CTNND2: variants seen among roughly 807,000 people sequenced by gnomAD.
CTNND2 encodes the protein catenin delta 2.
CTNND2 carries 22 observed loss-of-function variants against 144.4 expected under a neutral mutation model. The observed-to-expected ratio is 0.15, with a 90% confidence interval of 0.11 to 0.22. The LOEUF (loss-of-function observed/expected upper bound fraction) is 0.22, where lower values mean the gene tolerates loss of function less well. Ranked by LOEUF, CTNND2 falls within the 10% of genes least tolerant of loss-of-function variation. The pLI is 1.00. For synonymous variants in CTNND2, 751 were observed against 695.6 expected (o/e 1.08, Z -1.25); for missense variants, 1,353 against 1,618.8 (o/e 0.84, Z 2.82).
intron 1 of CTNND2, among the ~76,000 whole-genome samples, chr5:11,847,507 C>A (rs779962085): frequency 6.6e-6 from 1 of 151,726 alleles, no homozygotes; most frequent in Non-Finnish European, 1.5e-5. Flanking sequence ...GGTAATAGGA[C>A]AGTTTGGTCA....
At chr5:11,108,806 G>A (rs563935760) in intron 14 of CTNND2, among the ~76,000 whole-genome samples, 28 of 152,232 alleles carry the variant, frequency 1.8e-4, no homozygotes, top group Non-Finnish European at 3.2e-4. Context: ...ACAATGTCCC[G>A]TCACCTCCAA....
intron 7 of CTNND2, among the ~76,000 whole-genome samples, chr5:11,369,529 T>C (rs770663732): frequency 8.5e-5 from 13 of 152,232 alleles, no homozygotes; most frequent in Admixed American, 5.2e-4. Context: ...TAAATTTCTA[T>C]GTACTAGATT....
At chr5:11,363,394 ATCT>A (rs1756656032) in intron 8 of CTNND2, among the ~76,000 whole-genome samples, 1 of 152,310 alleles carries the variant, frequency 6.6e-6, no homozygotes, top group South Asian at 2.1e-4. Context: ...CACTGTGGTT[ATCT>A]TCTTCTTTTA....
At chr5:11,688,594 A>C (rs2126643003) in intron 2 of CTNND2, among the ~76,000 whole-genome samples, 1 of 152,324 alleles carries the variant, frequency 6.6e-6, no homozygotes, top group African/African-American at 2.4e-5. Flanking sequence ...AATCTGTTTC[A>C]AAAATAACCC....
intron 1 of CTNND2, among the ~76,000 whole-genome samples, chr5:11,883,803 T>A (rs1017805336): frequency 6.6e-6 from 1 of 152,244 alleles, no homozygotes; most frequent in Non-Finnish European, 1.5e-5. Flanking sequence ...AACAACAGTG[T>A]AAAAGCATTC....
In CTNND2 at chr5:11,517,483, T is replaced by C. The variant is rs559459087; in HGVS notation, c.287+47461A>G. ...AAGTATAATTGAAAAATTAAAATTG[T>C]ACATATTTAAGGTATACAATGTGAT... is the stretch of plus-strand genomic sequence containing the variant. On this transcript the variant is annotated intron_variant, in intron 3 of 21. Transcript: ENST00000304623. 2.2e-3 allele frequency among the ~76,000 whole-genome samples: 341 copies of C among 152,304 alleles called. 2 individuals carry two copies. The highest frequency in any genetic ancestry group is 7.8e-3 in the African/African-American group (324 of 41,562).
intron 17 of CTNND2, among the ~76,000 whole-genome samples, chr5:11,020,005 A>C (rs1742068109): frequency 6.6e-6 from 1 of 152,232 alleles, no homozygotes; most frequent in Non-Finnish European, 1.5e-5. Flanking sequence ...AATAACAATT[A>C]CACAATTGGA....
At chr5:11,170,166 G>A in intron 11 of CTNND2, among the ~76,000 whole-genome samples, 1 of 152,206 alleles carries the variant, frequency 6.6e-6, no homozygotes, top group East Asian at 1.9e-4. Flanking sequence ...GTCTGACTGT[G>A]ATGCATATGA....
chr5:11,763,239 C>G (rs1476552881), intron 1 of CTNND2, among the ~76,000 whole-genome samples: 1 of 152,172 alleles, frequency 6.6e-6, no homozygotes, highest in Non-Finnish European at 1.5e-5. Context: ...AATTAATCCT[C>G]TTTTCTTTAT....
chr5:11,171,566 C>T (rs143025289), intron 11 of CTNND2, among the ~76,000 whole-genome samples: 59 of 152,254 alleles, frequency 3.9e-4, no homozygotes, highest in Middle Eastern at 6.8e-3. Context: ...TTGTGAATGC[C>T]TGTTGAGACA....
chr5:11,664,377 G>A (rs1000508361), intron 2 of CTNND2, among the ~76,000 whole-genome samples: 1 of 152,126 alleles, frequency 6.6e-6, no homozygotes, highest in African/African-American at 2.4e-5. Flanking sequence ...CGGATCACGA[G>A]GTCAGGAGAT....
At chr5:11,453,395 A>G (rs1160648280) in intron 3 of CTNND2, among the ~76,000 whole-genome samples, 2 of 152,226 alleles carry the variant, frequency 1.3e-5, no homozygotes, top group Admixed American at 6.5e-5. Context: ...TCTTGGAGCC[A>G]GGGTATTTTA....
intron 3 of CTNND2, among the ~76,000 whole-genome samples, chr5:11,546,348 T>C (rs576974649): frequency 1.6e-4 from 25 of 152,184 alleles, no homozygotes; most frequent in African/African-American, 6.0e-4. Context: ...TTAATGTAAT[T>C]CCATTAAATA....
At chr5:11,396,924 C>T (rs1760193073) in intron 6 of CTNND2, 107 bp downstream of exon 6, 2 of 1,144,398 alleles carry the variant, frequency 1.7e-6, no homozygotes, top group Admixed American at 2.3e-5. Context: ...AGGGACACAC[C>T]TACAAAAAAG....
rs192726630 is a variant in CTNND2, at chr5:10,973,358, A to T, written c.*95T>A. 3 of 1,373,024 alleles carry T rather than the reference A, an allele frequency of 2.2e-6. No individual in the cohort carries two copies. In the Admixed American group the frequency reaches 8.2e-5, roughly 38 times the overall value. 85.1% of individuals were successfully genotyped at this position (1,373,024 alleles called of 1,614,324 possible). ...GCCTTCCTATGGAACAGGCTTTAACAAACTAAATTTGCAGGAGAAAAAAAC... is the reference window on the plus strand; with the variant it reads ...GCCTTCCTATGGAACAGGCTTTAACTAACTAAATTTGCAGGAGAAAAAAAC... On this transcript the variant is annotated 3_prime_UTR_variant, in exon 22 of 22. Coordinates refer to ENST00000304623, the MANE Select transcript of CTNND2 (RefSeq NM_001332.4). The surrounding 1 kb of genome is among the most constrained non-coding windows in gnomAD (Gnocchi z 5.6).
At chr5:11,826,699 G>A (rs1259680417) in intron 1 of CTNND2, among the ~76,000 whole-genome samples, 1 of 151,866 alleles carries the variant, frequency 6.6e-6, no homozygotes, top group Admixed American at 6.6e-5. Context: ...AATCCAGAGT[G>A]GTTATATCAG....
At chr5:11,274,531 AAAATAAAAC>A (rs1746331651) in intron 9 of CTNND2, among the ~76,000 whole-genome samples, 1 of 152,150 alleles carries the variant, frequency 6.6e-6, no homozygotes, top group Admixed American at 6.6e-5. Flanking sequence ...GAGTAATTAG[AAAATAAAAC>A]AAATAAAACA....
At chr5:11,492,041 G>T (rs1160930009) in intron 3 of CTNND2, among the ~76,000 whole-genome samples, 1 of 152,194 alleles carries the variant, frequency 6.6e-6, no homozygotes, top group African/African-American at 2.4e-5. Context: ...AAAATAAGCT[G>T]CTGGGTAATC....
chr5:11,556,415 TATTCCTATATTATTTATTTCCTCATG>T (rs1395294243), intron 3 of CTNND2, among the ~76,000 whole-genome samples: 2 of 152,184 alleles, frequency 1.3e-5, no homozygotes, highest in East Asian at 3.8e-4. Flanking sequence ...GAAACAATTA[TATTCCTATATTATTTATTTCCTCATG>T]AAAATTCACA....
Sources: gnomAD v4.1 joint callset for allele counts (sites outside exome capture counted in the v4.1 genomes callset) on GRCh38, gnomAD v4.1.1 for gene constraint, Gnocchi (gnomAD v3.1) non-coding constraint, MANE v1.5 for transcripts, NCBI Gene and HGNC (gene_info 2026-07-23, HGNC 2026-07-21) for gene names.